The following SPIN1 variants were observed in gnomAD, a reference collection of about 807,000 sequenced individuals.
SPIN1 encodes the protein spindlin 1.
In SPIN1, 3 loss-of-function variants were observed where a neutral mutation model predicts 26.0. That is an observed-to-expected ratio of 0.12 (90% CI 0.05 to 0.30). SPIN1 has a LOEUF of 0.30. Among genes scored for constraint, SPIN1 ranks in the 10% least tolerant of loss-of-function variants. SPIN1 has a pLI of 1.00. For missense variants in SPIN1, 126 were observed against 333.4 expected, an observed-to-expected ratio of 0.38 and a Z score of 4.84; for synonymous variants, 101 against 116.5, an observed-to-expected ratio of 0.87 and a Z score of 0.86.
At chr9:88,438,250 T>G (rs1406428194) in intron 2 of SPIN1, among the ~76,000 whole-genome samples, 1 of 152,184 alleles carries the variant, frequency 6.6e-6, no homozygotes, top group Non-Finnish European at 1.5e-5. Flanking sequence ...TAAGTTATGT[T>G]TTCATTTTCA....
At position 88,457,385 on chromosome 9, in the gene SPIN1, C is replaced by T. The variant is rs1441663167; in HGVS notation, c.102-5111C>T. Among the ~76,000 whole-genome samples, 8 of 151,958 alleles carry T rather than the reference C, an allele frequency of 5.3e-5. No homozygotes were observed. The East Asian group carries it at 7.7e-4, about 15-fold the overall frequency. On this transcript the variant is annotated intron_variant, in intron 3 of 5. Transcript: ENST00000375859. ...CTCTACTAAAAATGGAAAAATTAGC[C>T]GGGTGTGGTGGTGCACACCTGTAAT...
intron 1 of SPIN1, among the ~76,000 whole-genome samples, chr9:88,423,197 A>G (rs1587788939): frequency 6.6e-6 from 1 of 152,358 alleles, no homozygotes; most frequent in East Asian, 1.9e-4. Flanking sequence ...TAAATCTGAT[A>G]GGAGGGTACA....
chr9:88,410,188 T>TGTGTGTGTGTGCGC (rs4029765), intron 1 of SPIN1, among the ~76,000 whole-genome samples: 1 of 142,874 alleles, frequency 7.0e-6, no homozygotes, highest in African/African-American at 2.9e-5. Flanking sequence ...TGTGTGTGTG[T>TGTGTGTGTGTGCGC]GCAACTTTTT....
chr9:88,406,163 G>A (rs1827305907), intron 1 of SPIN1, among the ~76,000 whole-genome samples: 1 of 151,964 alleles, frequency 6.6e-6, no homozygotes, highest in Non-Finnish European at 1.5e-5. Context: ...GAGCCACTGT[G>A]CCTGGCTCTA....
chr9:88,451,418 T>A (rs1194103546), intron 3 of SPIN1, among the ~76,000 whole-genome samples: 1 of 152,186 alleles, frequency 6.6e-6, no homozygotes, highest in East Asian at 1.9e-4. Flanking sequence ...GGGTTTGTGT[T>A]TTTTAAGAAA....
At chr9:88,405,468 C>T (rs1470808453) in intron 1 of SPIN1, among the ~76,000 whole-genome samples, 2 of 151,778 alleles carry the variant, frequency 1.3e-5, no homozygotes, top group East Asian at 1.9e-4. Flanking sequence ...ACCTCGTGAT[C>T]CGCCCACCTC....
intron 4 of SPIN1, among the ~76,000 whole-genome samples, chr9:88,467,729 C>T (rs1032964538): frequency 1.3e-5 from 2 of 151,614 alleles, no homozygotes; most frequent in Non-Finnish European, 2.9e-5. Context: ...GTATCAGTGA[C>T]ACAACGATTA....
intron 2 of SPIN1, among the ~76,000 whole-genome samples, chr9:88,439,302 A>G (rs542217394): frequency 6.8e-4 from 104 of 152,308 alleles, no homozygotes; most frequent in African/African-American, 2.3e-3. Context: ...ATATAAATTC[A>G]GTGTCAGGAA....
intron 4 of SPIN1, among the ~76,000 whole-genome samples, chr9:88,467,854 A>G (rs894833344): frequency 1.1e-4 from 16 of 146,438 alleles, no homozygotes; most frequent in Non-Finnish European, 1.8e-4. Context: ...TTAAAAAAAA[A>G]AAACAAAAAA....
chr9:88,391,501 G>C (rs1264210203), intron 1 of SPIN1: 3 of 152,896 alleles, frequency 2.0e-5, no homozygotes, highest in Non-Finnish European at 2.9e-5. Context: ...GTGTCTACTA[G>C]TTTTTCAAGC....
chr9:88,455,599 A>T (rs1292933243), intron 3 of SPIN1, among the ~76,000 whole-genome samples: 1 of 152,192 alleles, frequency 6.6e-6, no homozygotes, highest in African/African-American at 2.4e-5. Flanking sequence ...TGTATATTTT[A>T]AAAAACTTTT....
intron 1 of SPIN1, among the ~76,000 whole-genome samples, chr9:88,423,298 A>G (rs1827705695): frequency 6.6e-6 from 1 of 152,154 alleles, no homozygotes; most frequent in Non-Finnish European, 1.5e-5. Flanking sequence ...AATTTCTTTA[A>G]TCTGGCTGGG....
chr9:88,408,983 G>GTGTT (rs2117948665), intron 1 of SPIN1, among the ~76,000 whole-genome samples: 1 of 127,712 alleles, frequency 7.8e-6, no homozygotes, highest in South Asian at 2.5e-4. Context: ...GTGTGTGTTT[G>GTGTT]TGTGTGTGTG....
At chr9:88,458,405 C>T (rs937513277) in intron 3 of SPIN1, among the ~76,000 whole-genome samples, 12 of 152,160 alleles carry the variant, frequency 7.9e-5, no homozygotes, top group South Asian at 2.1e-4. Context: ...TTGAGGAGGA[C>T]TCTTGGCCAG....
In SPIN1 at chr9:88,410,540, T is replaced by G. The variant is rs1273244855; in HGVS notation, c.-158-15842T>G. 29 of 802,682 alleles carry G rather than the reference T, an allele frequency of 3.6e-5. 1 individual carries two copies. Among genetic ancestry groups the G allele is most frequent in the Non-Finnish European group, 4.6e-5 (21 of 455,974 alleles). 49.7% of individuals were successfully genotyped at this position (802,682 alleles called of 1,614,324 possible). On this transcript the variant is annotated intron_variant, in intron 1 of 5. Coordinates refer to ENST00000375859, the MANE Select transcript of SPIN1 (RefSeq NM_006717.3). ...GCTTTGTTACCTAATTAAAATCTTC[T>G]GCTACTGCCATAGCTACTGCTGCTA... is the stretch of plus-strand genomic sequence containing the variant.
chr9:88,469,629 C>A (rs1828737756), intron 5 of SPIN1, among the ~76,000 whole-genome samples: 1 of 152,154 alleles, frequency 6.6e-6, no homozygotes. Flanking sequence ...AGTCTTCTGC[C>A]CCAGCCTCCC....
chr9:88,471,668 A>AAG (rs1267147581), intron 5 of SPIN1, among the ~76,000 whole-genome samples: 2 of 151,190 alleles, frequency 1.3e-5, no homozygotes, highest in Non-Finnish European at 3.0e-5. Context: ...AAAAAAAAAA[A>AAG]AAAAAAAAAA....
chr9:88,439,811 A>G (rs915550229), intron 2 of SPIN1, among the ~76,000 whole-genome samples: 8 of 151,780 alleles, frequency 5.3e-5, no homozygotes, highest in African/African-American at 1.7e-4. Context: ...CTTTCTTTTG[A>G]TTATTGGTAG....
At chr9:88,391,479 C>G in intron 1 of SPIN1, 1 of 154,292 alleles carries the variant, frequency 6.5e-6, no homozygotes, top group Non-Finnish European at 1.5e-5. Flanking sequence ...TCTGAACTCT[C>G]CCTTTGGCCC....
Sources: allele counts gnomAD v4.1 joint callset (sites outside exome capture counted in the v4.1 genomes callset), GRCh38; gene constraint gnomAD v4.1.1; transcripts MANE v1.5; gene names NCBI Gene and HGNC (gene_info 2026-07-23, HGNC 2026-07-21).